EIF2B3: variants seen among roughly 807,000 people sequenced by gnomAD.
EIF2B3 encodes the protein eukaryotic translation initiation factor 2B subunit gamma, also known as translation initiation factor eIF2B subunit gamma.
A neutral mutation model predicts 54.1 loss-of-function variants in EIF2B3; 20 were observed. The ratio of observed to expected loss-of-function variants is 0.37; its 90% confidence interval spans 0.26 to 0.54. The LOEUF is 0.54. Ranked by LOEUF, EIF2B3 falls within the 20% of genes least tolerant of loss-of-function variation. The probability of loss-of-function intolerance (pLI) is 0.86; values close to 1 mark genes in which losing one functional copy is unlikely to be tolerated. For synonymous variants in EIF2B3, 153 were observed against 188.1 expected (o/e 0.81, Z 1.52); for missense variants, 448 against 547.8 (o/e 0.82, Z 1.82).
intron 5 of EIF2B3, among the ~76,000 whole-genome samples, chr1:44,898,866 A>C: frequency 6.6e-6 from 1 of 151,888 alleles, no homozygotes; most frequent in South Asian, 2.1e-4. Flanking sequence ...AATTTTTTTT[A>C]TTTTTGGTAG....
At chr1:44,856,558 G>T (rs963167811) in intron 11 of EIF2B3, among the ~76,000 whole-genome samples, 1 of 148,096 alleles carries the variant, frequency 6.8e-6, no homozygotes, top group African/African-American at 2.5e-5. Flanking sequence ...AGGAAAATCT[G>T]AGGGCTTAAT....
At chr1:44,900,428 C>T (rs1323603938) in intron 5 of EIF2B3, among the ~76,000 whole-genome samples, 2 of 112,114 alleles carry the variant, frequency 1.8e-5, no homozygotes, top group Non-Finnish European at 3.3e-5. Context: ...GCCTGGGCAA[C>T]AGAGCGAGAA....
chr1:44,913,017 T>C (rs914728763), intron 5 of EIF2B3, among the ~76,000 whole-genome samples: 3 of 146,494 alleles, frequency 2.0e-5, no homozygotes, highest in African/African-American at 5.1e-5. Context: ...GCCTGAAATA[T>C]AGAAGACTAG....
intron 5 of EIF2B3, among the ~76,000 whole-genome samples, chr1:44,924,482 G>T (rs910764003): frequency 3.9e-5 from 6 of 151,914 alleles, no homozygotes; most frequent in Admixed American, 1.3e-4. Flanking sequence ...CTGACTCTTG[G>T]GTTCAAGCAA....
At chr1:44,895,563 A>C (rs571714538) in intron 6 of EIF2B3, among the ~76,000 whole-genome samples, 1 of 152,110 alleles carries the variant, frequency 6.6e-6, no homozygotes, top group African/African-American at 2.4e-5. Context: ...TAAAATATAT[A>C]TCTATTTTAA....
chr1:44,962,489 T>C (rs1644295835), intron 3 of EIF2B3, among the ~76,000 whole-genome samples: 1 of 152,184 alleles, frequency 6.6e-6, no homozygotes, highest in Admixed American at 6.6e-5. Context: ...CACAGCACTG[T>C]TGCCTAAAAT....
intron 3 of EIF2B3, among the ~76,000 whole-genome samples, chr1:44,948,767 G>C (rs976600603): frequency 6.6e-6 from 1 of 152,030 alleles, no homozygotes; most frequent in Non-Finnish European, 1.5e-5. Flanking sequence ...ATGATTTTAA[G>C]GGTCTTCAAA....
chr1:44,904,328 A>T (rs1557678882), intron 5 of EIF2B3, among the ~76,000 whole-genome samples: 1 of 152,182 alleles, frequency 6.6e-6, no homozygotes, highest in South Asian at 2.1e-4. Context: ...AGTGTCATGG[A>T]TGGCTTCTGA....
chr1:44,852,962 G>C (rs541604760), intron 11 of EIF2B3, among the ~76,000 whole-genome samples: 1 of 152,092 alleles, frequency 6.6e-6, no homozygotes, highest in Non-Finnish European at 1.5e-5. Context: ...GATGAAGGTT[G>C]GTAGAGAAGT....
intron 11 of EIF2B3, among the ~76,000 whole-genome samples, chr1:44,856,717 A>G (rs527608118): frequency 1.6e-4 from 24 of 152,242 alleles, no homozygotes; most frequent in African/African-American, 5.5e-4. Flanking sequence ...TGGCGTCTAC[A>G]GAGTTGGTGG....
chr1:44,899,204 T>TA, intron 5 of EIF2B3, among the ~76,000 whole-genome samples: 2 of 152,146 alleles, frequency 1.3e-5, no homozygotes, highest in Admixed American at 1.3e-4. Context: ...AATTCACCTG[T>TA]TTTAGACATA....
rs544301694 is a variant in EIF2B3, at chr1:44,878,075, C to T, written c.975+1743G>A. On this transcript the variant is annotated intron_variant, in intron 8 of 11. Transcript: ENST00000360403. ...TCCCACTCAGGTTATCCATGAACATCTTTCCAGACCAGCGTGAAAGATGCT... is the reference window on the plus strand; with the variant it reads ...TCCCACTCAGGTTATCCATGAACATTTTTCCAGACCAGCGTGAAAGATGCT... Among the ~76,000 whole-genome samples, 41 of 152,322 alleles carry T rather than the reference C, an allele frequency of 2.7e-4. No individual in the cohort carries two copies. In the South Asian group the frequency reaches 2.9e-3, roughly 11 times the overall value.
chr1:44,977,140 A>G (rs1325316098), intron 3 of EIF2B3, among the ~76,000 whole-genome samples: 2 of 152,244 alleles, frequency 1.3e-5, no homozygotes, highest in African/African-American at 4.8e-5. Context: ...TCCCATTTCA[A>G]GTAATATGGC....
At chr1:44,956,694 G>C (rs1462864896) in intron 3 of EIF2B3, among the ~76,000 whole-genome samples, 3 of 152,084 alleles carry the variant, frequency 2.0e-5, no homozygotes, top group Non-Finnish European at 4.4e-5. Context: ...TGATAATCGT[G>C]AAACTTAAAT....
At position 44,850,698 on chromosome 1, in the gene EIF2B3, A is replaced by C; in HGVS notation, c.*253T>G. ...TGCTGCCCCACCGATACATCTTGGCACACAAGAGTTAGGCCACTGTATCTG... is the reference window on the plus strand; with the variant it reads ...TGCTGCCCCACCGATACATCTTGGCCCACAAGAGTTAGGCCACTGTATCTG... On this transcript the variant is annotated 3_prime_UTR_variant, in exon 12 of 12. Coordinates refer to ENST00000360403, the MANE Select transcript of EIF2B3 (RefSeq NM_020365.5). 1 of 553,574 alleles carries C rather than the reference A, an allele frequency of 1.8e-6. No individual in the cohort carries two copies. The highest frequency in any genetic ancestry group is 3.2e-5 in the Admixed American group (1 of 31,638). 34.3% of individuals were successfully genotyped at this position (553,574 alleles called of 1,614,324 possible). A position where few individuals can be genotyped will look rare whatever the true frequency, so the allele number is the denominator to read the frequency against.
chr1:44,883,192 C>A (rs1655468819), intron 6 of EIF2B3, among the ~76,000 whole-genome samples: 1 of 151,782 alleles, frequency 6.6e-6, no homozygotes, highest in South Asian at 2.1e-4. Flanking sequence ...CTTGCTCCGG[C>A]CTCTCAACAT....
At chr1:44,948,735 G>C (rs1334095481) in intron 3 of EIF2B3, among the ~76,000 whole-genome samples, 2 of 152,104 alleles carry the variant, frequency 1.3e-5, no homozygotes, top group Non-Finnish European at 2.9e-5. Flanking sequence ...TGCTCAACAA[G>C]ATTAAGTTGG....
chr1:44,852,795 A>G (rs968991514), intron 11 of EIF2B3, among the ~76,000 whole-genome samples: 43 of 151,832 alleles, frequency 2.8e-4, no homozygotes, highest in Admixed American at 6.6e-5. Flanking sequence ...AAAAAAAAAA[A>G]ACAAACCAAG....
At chr1:44,856,158 A>G (rs558380869) in intron 11 of EIF2B3, among the ~76,000 whole-genome samples, 2 of 152,314 alleles carry the variant, frequency 1.3e-5, no homozygotes, top group South Asian at 4.1e-4. Context: ...TATACCTGTC[A>G]TTTAATTATA....
Sources: allele counts gnomAD v4.1 joint callset (sites outside exome capture counted in the v4.1 genomes callset), GRCh38; gene constraint gnomAD v4.1.1; transcripts MANE v1.5; gene names NCBI Gene and HGNC (gene_info 2026-07-23, HGNC 2026-07-21).